CYP4F22: variants seen among roughly 807,000 people sequenced by gnomAD.
CYP4F22 encodes ultra-long-chain fatty acid omega-hydroxylase.
In CYP4F22, 37 loss-of-function variants were observed where a neutral mutation model predicts 60.4. The observed-to-expected ratio is 0.61, with a 90% CI of 0.47 to 0.81. The LOEUF (loss-of-function observed/expected upper bound fraction) is 0.81. Among genes scored for constraint, CYP4F22 ranks in the 30% least tolerant of loss-of-function variants. The pLI, the probability that CYP4F22 is intolerant of heterozygous loss-of-function variation, is 0.00. For missense variants in CYP4F22, 655 were observed against 715.0 expected, an observed-to-expected ratio of 0.92 and a Z score of 0.96; for synonymous variants, 258 against 280.5, an observed-to-expected ratio of 0.92 and a Z score of 0.80.
intron 1 of CYP4F22, among the ~76,000 whole-genome samples, chr19:15,518,207 C>A (rs1172214776): frequency 6.6e-6 from 1 of 151,980 alleles, no homozygotes; most frequent in Non-Finnish European, 1.5e-5. Context: ...CATGGTGGTG[C>A]ATGCCTGTAG....
At chr19:15,533,045 C>A (rs1449564118) in intron 4 of CYP4F22, among the ~76,000 whole-genome samples, 2 of 152,224 alleles carry the variant, frequency 1.3e-5, no homozygotes, top group Non-Finnish European at 2.9e-5. Flanking sequence ...CTGGGAGTGG[C>A]TTGCTGTTCT....
chr19:15,530,622 G>C (rs1373297401), intron 4 of CYP4F22, among the ~76,000 whole-genome samples: 1 of 152,106 alleles, frequency 6.6e-6, no homozygotes. Context: ...CCGCAGGGCT[G>C]GGGAGGCCTC....
intron 1 of CYP4F22, among the ~76,000 whole-genome samples, chr19:15,517,637 C>A (rs1224136783): frequency 3.3e-5 from 5 of 152,182 alleles, no homozygotes; most frequent in African/African-American, 1.2e-4. Context: ...TTCCTGGGTG[C>A]GAGTTGGGGG....
intron 7 of CYP4F22, among the ~76,000 whole-genome samples, chr19:15,539,410 T>G (rs1326659016): frequency 1.3e-5 from 2 of 152,236 alleles, no homozygotes; most frequent in African/African-American, 2.4e-5. Flanking sequence ...ATTTACCACA[T>G]AATACCACAT....
intron 1 of CYP4F22, among the ~76,000 whole-genome samples, chr19:15,513,180 A>G (rs1971111828): frequency 6.6e-6 from 1 of 151,350 alleles, no homozygotes; most frequent in African/African-American, 2.4e-5. Context: ...TTCTTTTTTC[A>G]TTTTTATTTT....
rs182015502 is a variant in CYP4F22, at chr19:15,549,910, A to G, written c.1335+708A>G. Among the ~76,000 whole-genome samples, 244 of 152,130 alleles carry G rather than the reference A, an allele frequency of 1.6e-3. 4 individuals are homozygous for G. Among genetic ancestry groups the G allele is most frequent in the Non-Finnish European group, 2.1e-4 (14 of 67,986 alleles). On this transcript the variant is annotated intron_variant, in intron 12 of 13. Coordinates refer to ENST00000269703, the MANE Select transcript of CYP4F22 (RefSeq NM_173483.4). ...TTGGGCCCAGCAGTTTGAGGCTGCAATGAGCTATGGTTATTTATTTATTTA... is the reference window on the plus strand; with the variant it reads ...TTGGGCCCAGCAGTTTGAGGCTGCAGTGAGCTATGGTTATTTATTTATTTA...
intron 5 of CYP4F22, 28 bp from the exon 6 acceptor site, chr19:15,537,507 G>T (rs1464043502): frequency 1.2e-6 from 2 of 1,614,124 alleles, no homozygotes; most frequent in South Asian, 2.2e-5. Flanking sequence ...AACAGGAGAG[G>T]TCCCTAACCT....
At chr19:15,516,835 C>CTT (rs756727270) in intron 1 of CYP4F22, 3,331 of 207,226 alleles carry the variant, frequency 0.016, 17 homozygotes, top group East Asian at 0.025. Flanking sequence ...AGATGTTATT[C>CTT]TTTTTTTTTT....
intron 10 of CYP4F22, among the ~76,000 whole-genome samples, chr19:15,545,433 A>G (rs1176121216): frequency 3.3e-5 from 5 of 151,890 alleles, no homozygotes; most frequent in African/African-American, 1.2e-4. Context: ...GGATTGCTTG[A>G]GCTGAGGTGT....
At chr19:15,546,030 A>G (rs1023393615) in intron 10 of CYP4F22, among the ~76,000 whole-genome samples, 1 of 152,138 alleles carries the variant, frequency 6.6e-6, no homozygotes, top group African/African-American at 2.4e-5. Context: ...GCTGGAGTGC[A>G]GTGGCATAAT....
chr19:15,526,944 G>A (rs978618158), intron 3 of CYP4F22, among the ~76,000 whole-genome samples: 8 of 151,820 alleles, frequency 5.3e-5, no homozygotes, highest in Admixed American at 2.0e-4. Context: ...GTAGGGACAG[G>A]GTTTCACCGT....
At chr19:15,542,062 A>G (rs1971469283) in intron 8 of CYP4F22, among the ~76,000 whole-genome samples, 2 of 151,876 alleles carry the variant, frequency 1.3e-5, no homozygotes, top group South Asian at 2.1e-4. Context: ...CAGTTTCTCC[A>G]TTTATACCAT....
chr19:15,514,947 C>T (rs1302307259), intron 1 of CYP4F22, among the ~76,000 whole-genome samples: 2 of 152,114 alleles, frequency 1.3e-5, no homozygotes, highest in Non-Finnish European at 2.9e-5. Context: ...GTGTGGCTGT[C>T]CAGGGTTTGT....
In CYP4F22 at chr19:15,509,904, C is replaced by CTTTCTTT. The variant is rs1555725971; in HGVS notation, c.-109+1321_-109+1322insTTTCTTT. On this transcript the variant is annotated intron_variant, in intron 1 of 13. Transcript: ENST00000269703. ...TCCTTCCTTCCTTCCTTCCTTCCTT[C>CTTTCTTT]CTTTCTTTCTTTCCTTCCTTCTTTC... 4.2e-3 allele frequency among the ~76,000 whole-genome samples: 362 copies of CTTTCTTT among 86,750 alleles called. 3 individuals are homozygous for CTTTCTTT. Among genetic ancestry groups the CTTTCTTT allele is most frequent in the East Asian group, 0.012 (27 of 2,178 alleles). The allele number at this position is 86,750 out of a possible 152,430, so 56.9% of individuals were successfully genotyped here.
chr19:15,522,801 C>T (rs1385078353), intron 1 of CYP4F22, among the ~76,000 whole-genome samples: 1 of 152,132 alleles, frequency 6.6e-6, no homozygotes, highest in Non-Finnish European at 1.5e-5. Context: ...ACCTCCGCCT[C>T]CCAGGTTCCA....
At chr19:15,512,886 A>G (rs879823821) in intron 1 of CYP4F22, among the ~76,000 whole-genome samples, 3 of 152,140 alleles carry the variant, frequency 2.0e-5, no homozygotes, top group Non-Finnish European at 4.4e-5. Flanking sequence ...AACCAAAACG[A>G]CTGGAAAAGT....
chr19:15,537,291 A>G, intron 4 of CYP4F22, 70 bp from the exon 5 acceptor site: 3 of 1,583,978 alleles, frequency 1.9e-6, no homozygotes, highest in Non-Finnish European at 1.7e-6. Flanking sequence ...ACAGAGCAAG[A>G]CTCCGTAAAA....
intron 11 of CYP4F22, among the ~76,000 whole-genome samples, chr19:15,548,856 G>A (rs759048256): frequency 1.7e-4 from 26 of 152,164 alleles, no homozygotes; most frequent in Admixed American, 1.5e-3. Context: ...GCAGCAGGGA[G>A]CCAAGGTAGG....
chr19:15,509,817 G>T (rs1055215237), intron 1 of CYP4F22, among the ~76,000 whole-genome samples: 21 of 152,028 alleles, frequency 1.4e-4, no homozygotes, highest in Non-Finnish European at 2.6e-4. Context: ...GAGGGGCTTG[G>T]ATGACTTGAG....
Sources: gnomAD v4.1 joint callset for allele counts (sites outside exome capture counted in the v4.1 genomes callset) on GRCh38, gnomAD v4.1.1 for gene constraint, MANE v1.5 for transcripts, NCBI Gene and HGNC (gene_info 2026-07-23, HGNC 2026-07-21) for gene names.